Variants in SIRT1 observed in about 807,000 individuals in gnomAD.
SIRT1 encodes NAD-dependent protein deacetylase sirtuin-1.
In SIRT1, 24 loss-of-function variants were observed where a neutral mutation model predicts 67.9. The ratio of observed to expected loss-of-function variants is 0.35; its 90% CI spans 0.26 to 0.50. SIRT1 has a LOEUF of 0.50. Among genes scored for constraint, SIRT1 ranks in the 20% least tolerant of loss-of-function variants. SIRT1 has a pLI of 0.98. For missense variants in SIRT1, 873 were observed against 937.2 expected (o/e 0.93, Z 0.89); for synonymous variants, 378 against 350.7 (o/e 1.08, Z -0.87).
At chr10:67,907,116 T>G (rs919100777) in intron 5 of SIRT1, among the ~76,000 whole-genome samples, 179 bp downstream of exon 5, 4 of 151,896 alleles carry the variant, frequency 2.6e-5, no homozygotes, top group African/African-American at 9.7e-5. Context: ...GTATTGGCCT[T>G]GACAGTTAAT....
intron 1 of SIRT1, among the ~76,000 whole-genome samples, chr10:67,887,034 G>A (rs1322466977): frequency 1.3e-5 from 2 of 151,902 alleles, no homozygotes; most frequent in Non-Finnish European, 2.9e-5. Context: ...ACCATGCCCG[G>A]CTAATTTTTG....
At chr10:67,906,417 T>G in intron 4 of SIRT1, 1 of 933,658 alleles carries the variant, frequency 1.1e-6, no homozygotes, top group Non-Finnish European at 1.5e-6. Context: ...CCTTGATATC[T>G]GTAATTTTAG....
chr10:67,888,928 T>C lies in SIRT1; in HGVS notation c.594T>C (p.Pro198=). 6.2e-7 allele frequency: 1 copy of C among 1,613,930 alleles called. No homozygotes were observed. The highest frequency in any genetic ancestry group is 8.5e-7 in the Non-Finnish European group (1 of 1,179,892). ...VQQHLMIGTD[P]RTILKDLLPE... ...AACATCTTATGATTGGCACAGATCC[T>C]CGAACAATTCTTAAAGATTTATTGC... is the stretch of plus-strand genomic sequence containing the variant. Residue 198 remains proline, a synonymous_variant, in exon 3 of 9, where the codon CCT becomes CCC. Coordinates refer to ENST00000212015, the MANE Select transcript of SIRT1 (RefSeq NM_012238.5).
rs1039171339 is a variant in SIRT1 at position 67,914,134 on chromosome 10, C to T, written c.1915+1103C>T. Among the ~76,000 whole-genome samples the T allele has an allele frequency of 2.1e-4, 29 of 137,256 alleles. 1 individual carries two copies. Among genetic ancestry groups the T allele is most frequent in the South Asian group, 1.4e-3 (6 of 4,338 alleles). The allele number at this position is 137,256 out of a possible 152,430, so 90.0% of individuals were successfully genotyped here. On this transcript the variant is annotated intron_variant, in intron 8 of 8. Coordinates refer to ENST00000212015, the MANE Select transcript of SIRT1 (RefSeq NM_012238.5). ...TCGCCCAGGCTGGAGTGCAGTGGCACGATCTCAGCTCACTGCAACCTCTGC... is the reference window on the plus strand; with the variant it reads ...TCGCCCAGGCTGGAGTGCAGTGGCATGATCTCAGCTCACTGCAACCTCTGC...
chr10:67,903,401 T>TC (rs886908612), intron 4 of SIRT1, among the ~76,000 whole-genome samples: 1 of 151,668 alleles, frequency 6.6e-6, no homozygotes, highest in Non-Finnish European at 1.5e-5. Flanking sequence ...CTTTTTTTTT[T>TC]TGAGATGGAG....
At chr10:67,891,376 T>G (rs577357704) in intron 3 of SIRT1, 26 bp from the exon 4 acceptor site, 3 of 1,609,150 alleles carry the variant, frequency 1.9e-6, no homozygotes, top group Non-Finnish European at 2.5e-6. Context: ...GATTTAATTT[T>G]ACAAATTATG....
Position 67,896,699 on chromosome 10 carries a change from T to A in SIRT1, c.942+5145T>A, listed in dbSNP as rs112691677. On this transcript the variant is annotated intron_variant, in intron 4 of 8. Transcript: ENST00000212015. ...ATCACTTGAACTCAGGAGGCTGAGT[T>A]TGCCGTGAGCTGAGATCGCGCTGCT... Among the ~76,000 whole-genome samples the A allele has an allele frequency of 2.0e-5, 3 of 149,400 alleles. 1 individual carries two copies. The highest frequency in any genetic ancestry group is 7.5e-5 in the African/African-American group (3 of 40,148).
intron 1 of SIRT1, 73 bp downstream of exon 1, chr10:67,885,224 T>C: frequency 7.9e-7 from 1 of 1,263,306 alleles, no homozygotes. Context: ...GGCCTGAGGT[T>C]GAGGGCGGCT....
intron 2 of SIRT1, 36 bp downstream of exon 2, chr10:67,887,569 G>T (rs199757651): frequency 6.3e-6 from 9 of 1,432,604 alleles, no homozygotes; most frequent in African/African-American, 1.4e-5. Context: ...GAGAGTAAAT[G>T]TACGGTTTTT....
chr10:67,904,657 C>G (rs1218985095), intron 4 of SIRT1, among the ~76,000 whole-genome samples: 1 of 151,870 alleles, frequency 6.6e-6, no homozygotes, highest in Non-Finnish European at 1.5e-5. Context: ...ACCAGCCTGA[C>G]CAACATGGAG....
Position 67,916,593 on chromosome 10 carries a change from G to C in SIRT1, c.2244G>C (p.Ter748TyrextTer43). 1.9e-6 allele frequency: 3 copies of C among 1,603,274 alleles called. No homozygotes were observed. Among genetic ancestry groups the C allele is most frequent in the Non-Finnish European group, 2.6e-6 (3 of 1,172,332 alleles). ...TGAACTATCCATCAAACAAATCATA[G>C]TGTAATAATTGTGCAGGTACAGGAA... ...TDMNYPSNKS[*>Y] Residue 748 changes from the stop codon to tyrosine, a stop_lost, in exon 9 of 9, where the codon TAG becomes TAC. Transcript: ENST00000212015.
At chr10:67,885,941 C>CTTTTTTTTTTT (rs766544980) in intron 1 of SIRT1, among the ~76,000 whole-genome samples, 3 of 95,564 alleles carry the variant, frequency 3.1e-5, no homozygotes, top group Admixed American at 1.3e-4. Context: ...TTGAAGGTTT[C>CTTTTTTTTTTT]TTTTTTTTTT....
intron 8 of SIRT1, among the ~76,000 whole-genome samples, chr10:67,915,635 G>C (rs1041974424): frequency 8.5e-5 from 13 of 152,182 alleles, no homozygotes; most frequent in Middle Eastern, 3.4e-3. Flanking sequence ...ATGAATTTGT[G>C]GTGACTACAT....
At chr10:67,905,040 C>T (rs1842800447) in intron 4 of SIRT1, among the ~76,000 whole-genome samples, 1 of 152,112 alleles carries the variant, frequency 6.6e-6, no homozygotes, top group African/African-American at 2.4e-5. Context: ...AGTCTTGGTA[C>T]TTGCTCTTTT....
chr10:67,886,754 G>T (rs879760005), intron 1 of SIRT1, among the ~76,000 whole-genome samples: 3 of 151,740 alleles, frequency 2.0e-5, no homozygotes, highest in Admixed American at 1.3e-4. Flanking sequence ...CATTGCCAAG[G>T]TTATATTTGA....
chr10:67,895,273 C>G (rs1842635842), intron 4 of SIRT1, among the ~76,000 whole-genome samples: 2 of 152,026 alleles, frequency 1.3e-5, no homozygotes, highest in South Asian at 2.1e-4. Context: ...ATACAAAAAT[C>G]AGCCAGGCTT....
At chr10:67,907,352 G>A (rs1246441737) in intron 5 of SIRT1, among the ~76,000 whole-genome samples, 1 of 151,896 alleles carries the variant, frequency 6.6e-6, no homozygotes, top group African/African-American at 2.4e-5. Flanking sequence ...AAAATTAGCC[G>A]GGCATGGTGG....
intron 1 of SIRT1, 48 bp downstream of exon 1, chr10:67,885,199 C>T (rs200393286): frequency 1.2e-5 from 15 of 1,294,612 alleles, no homozygotes; most frequent in South Asian, 4.8e-5. Flanking sequence ...TCCTCCCTCT[C>T]CCCGGGCTCC....
intron 4 of SIRT1, among the ~76,000 whole-genome samples, chr10:67,903,429 G>C (rs1842773086): frequency 6.6e-6 from 1 of 150,892 alleles, no homozygotes; most frequent in Admixed American, 6.6e-5. Flanking sequence ...TTGTCACCCA[G>C]GCTGGAGTGC....
Sources: allele counts gnomAD v4.1 joint callset (sites outside exome capture counted in the v4.1 genomes callset), GRCh38; gene constraint gnomAD v4.1.1; transcripts MANE v1.5; gene names NCBI Gene and HGNC (gene_info 2026-07-23, HGNC 2026-07-21).